The following ASS1 variants were observed in gnomAD, a reference collection of about 807,000 sequenced individuals.
The protein encoded by ASS1 is argininosuccinate synthase.
Under a neutral mutation model 60.5 loss-of-function variants are expected in ASS1, and 58 were observed. The ratio of observed to expected loss-of-function variants is 0.96; its 90% CI spans 0.78 to 1.19. The LOEUF (loss-of-function observed/expected upper bound fraction) is 1.19, where lower values mean the gene tolerates loss of function less well. Ranked by LOEUF, ASS1 falls within the 50% of genes most tolerant of loss-of-function variation. ASS1 has a pLI of 0.00. For missense variants in ASS1, 454 were observed against 547.3 expected (o/e 0.83, Z 1.70); for synonymous variants, 200 against 206.9 (o/e 0.97, Z 0.29).
intron 6 of ASS1, among the ~76,000 whole-genome samples, chr9:130,467,245 C>T (rs1406382331): frequency 6.6e-6 from 1 of 152,196 alleles, no homozygotes; most frequent in Non-Finnish European, 1.5e-5. Context: ...CTAGCGCTTT[C>T]CCCGGGAACA....
Position 130,480,342 on chromosome 9 carries a change from C to G in ASS1, c.774-43C>G, listed in dbSNP as rs369989422. On this transcript the variant is annotated intron_variant, in intron 10 of 14. Coordinates refer to ENST00000352480, the MANE Select transcript of ASS1 (RefSeq NM_054012.4). ...CCCAGCTGGGTGGGTGACTCTGAGC[C>G]TTGCGGTAGCGCCCGAACCTAATGG... 5.6e-6 allele frequency: 9 copies of G among 1,612,530 alleles called. No homozygotes were observed. The African/African-American group carries it at 1.2e-4, about 22-fold the overall frequency.
At chr9:130,460,446 A>G (rs1348714629) in intron 4 of ASS1, among the ~76,000 whole-genome samples, 1 of 152,094 alleles carries the variant, frequency 6.6e-6, no homozygotes, top group Non-Finnish European at 1.5e-5. Context: ...CTGGCAAGAG[A>G]AGAGAAAATG....
intron 4 of ASS1, among the ~76,000 whole-genome samples, chr9:130,461,385 G>A (rs1215982): frequency 0.48 from 53,626 of 110,770 alleles, 10,919 homozygotes; most frequent in East Asian, 0.71. Context: ...CTTGGGGGCC[G>A]ACAAAGGCGG....
chr9:130,466,841 GC>G lies in ASS1; in HGVS notation c.495+47del. 1.9e-6 allele frequency: 3 copies of G among 1,601,788 alleles called. No individual in the cohort carries two copies. The South Asian group carries it at 3.3e-5, about 18-fold the overall frequency. On this transcript the variant is annotated intron_variant, in intron 6 of 14. Transcript: ENST00000352480. ...CCACCACCCCCAACCTTTCCCTATAGCCCCCTTCCCGGGCACGTCCCTGCTG... is the reference window on the plus strand; with the variant it reads ...CCACCACCCCCAACCTTTCCCTATAGCCCCTTCCCGGGCACGTCCCTGCTG...
chr9:130,466,107 C>T (rs1470573687), intron 5 of ASS1, among the ~76,000 whole-genome samples: 1 of 152,194 alleles, frequency 6.6e-6, no homozygotes, highest in African/African-American at 2.4e-5. Flanking sequence ...CATCTCCACC[C>T]CCACACACAC....
chr9:130,499,683 G>C (rs1449779573), intron 14 of ASS1, 113 bp downstream of exon 14: 1 of 982,374 alleles, frequency 1.0e-6, no homozygotes, highest in Non-Finnish European at 1.6e-6. Flanking sequence ...CTGCTGCCCT[G>C]CCCTGCCCTG....
intron 1 of ASS1, among the ~76,000 whole-genome samples, chr9:130,449,448 G>C (rs187839453): frequency 2.2e-4 from 33 of 151,630 alleles, no homozygotes; most frequent in Admixed American, 2.0e-3. Context: ...CTGCCCCTCC[G>C]TGTTTCTGTG....
chr9:130,493,200 G>A (rs1400657170), intron 12 of ASS1, among the ~76,000 whole-genome samples: 2 of 152,168 alleles, frequency 1.3e-5, no homozygotes, highest in Non-Finnish European at 2.9e-5. Context: ...ATCAGACCTG[G>A]GCTCTTCCAA....
At chr9:130,499,618 A>G in intron 14 of ASS1, 48 bp downstream of exon 14, 1 of 1,573,196 alleles carries the variant, frequency 6.4e-7, no homozygotes, top group Non-Finnish European at 8.7e-7. Context: ...CCAGGTGTAA[A>G]GGGTAGGCTT....
chr9:130,475,897 C>G (rs1313592921), intron 8 of ASS1, among the ~76,000 whole-genome samples: 2 of 152,108 alleles, frequency 1.3e-5, no homozygotes, highest in Admixed American at 6.5e-5. Context: ...GCTGGGACTA[C>G]AGGCGCATGC....
At position 130,482,818 on chromosome 9, in the gene ASS1, C is replaced by G. The variant is rs142126254; in HGVS notation, c.838+2369C>G. 2.6e-3 allele frequency among the ~76,000 whole-genome samples: 400 copies of G among 152,344 alleles called. 3 individuals are homozygous for G. Among genetic ancestry groups the G allele is most frequent in the Middle Eastern group, 0.01 (3 of 294 alleles). ...CTGGGGAAAGCTTCCTGGAGCCCAG[C>G]CTTCACTCTGCCCTGGTACTTTGTG... On this transcript the variant is annotated intron_variant, in intron 11 of 14. Transcript: ENST00000352480.
intron 6 of ASS1, among the ~76,000 whole-genome samples, chr9:130,468,925 G>T (rs144799345): frequency 6.6e-6 from 1 of 152,138 alleles, no homozygotes; most frequent in Non-Finnish European, 1.5e-5. Flanking sequence ...GAGGCACCTC[G>T]GGACCGAGAG....
At chr9:130,475,520 T>C (rs948690250) in intron 8 of ASS1, among the ~76,000 whole-genome samples, 5 of 152,154 alleles carry the variant, frequency 3.3e-5, no homozygotes, top group Non-Finnish European at 7.3e-5. Flanking sequence ...ATACAATGTG[T>C]ATTTGGCGAG....
intron 12 of ASS1, among the ~76,000 whole-genome samples, chr9:130,490,089 A>AGGAC (rs1246721776): frequency 6.6e-6 from 1 of 152,176 alleles, no homozygotes; most frequent in Non-Finnish European, 1.5e-5. Context: ...CATGTGTGGA[A>AGGAC]GGACCGGTGG....
intron 6 of ASS1, among the ~76,000 whole-genome samples, chr9:130,467,438 G>A (rs921456261): frequency 4.6e-5 from 7 of 152,114 alleles, no homozygotes; most frequent in African/African-American, 9.7e-5. Context: ...CAATCAGGCC[G>A]GGGAAAAGCA....
intron 11 of ASS1, among the ~76,000 whole-genome samples, chr9:130,483,702 C>T (rs1846228186): frequency 6.6e-6 from 1 of 150,722 alleles, no homozygotes; most frequent in Non-Finnish European, 1.5e-5. Context: ...CCGCTCTCCT[C>T]CCAGCCCTGC....
chr9:130,451,224 G>T, intron 1 of ASS1, among the ~76,000 whole-genome samples: 1 of 152,158 alleles, frequency 6.6e-6, no homozygotes, highest in East Asian at 1.9e-4. Context: ...GGAGGCCTTG[G>T]CGCCTTCGGG....
chr9:130,450,489 A>G (rs1329567199), intron 1 of ASS1, among the ~76,000 whole-genome samples: 1 of 152,184 alleles, frequency 6.6e-6, no homozygotes, highest in Admixed American at 6.5e-5. Context: ...AGGGGGTTGA[A>G]TGCCCAGTAG....
chr9:130,474,617 T>C (rs756026127), intron 8 of ASS1, among the ~76,000 whole-genome samples: 5 of 152,150 alleles, frequency 3.3e-5, no homozygotes, highest in Non-Finnish European at 7.3e-5. Context: ...ACTTTACCTT[T>C]TTGCTGAGGA....
Sources: allele counts gnomAD v4.1 joint callset (sites outside exome capture counted in the v4.1 genomes callset), GRCh38; gene constraint gnomAD v4.1.1; transcripts MANE v1.5; gene names NCBI Gene and HGNC (gene_info 2026-07-23, HGNC 2026-07-21).